Variants in SPATA16 observed in about 807,000 individuals in gnomAD.
The protein encoded by SPATA16 is spermatogenesis-associated protein 16.
In SPATA16, 36 loss-of-function variants were observed where a neutral mutation model predicts 63.3. The ratio of observed to expected loss-of-function variants is 0.57; its 90% CI spans 0.44 to 0.75. SPATA16 has a LOEUF of 0.75. SPATA16 is among the 30% of genes least tolerant of loss of function. SPATA16 has a pLI of 0.00. For missense variants in SPATA16, 646 were observed against 679.3 expected, an observed-to-expected ratio of 0.95 and a Z score of 0.54; for synonymous variants, 203 against 216.7, an observed-to-expected ratio of 0.94 and a Z score of 0.56.
At chr3:172,955,667 A>G (rs1733576224) in intron 6 of SPATA16, among the ~76,000 whole-genome samples, 2 of 152,128 alleles carry the variant, frequency 1.3e-5, no homozygotes, top group South Asian at 4.1e-4. Context: ...GAAAAGTACG[A>G]AATCCATAGG....
At chr3:173,066,685 C>T (rs531683796) in intron 2 of SPATA16, among the ~76,000 whole-genome samples, 2 of 152,246 alleles carry the variant, frequency 1.3e-5, no homozygotes, top group South Asian at 2.1e-4. Flanking sequence ...AAAAAACCCT[C>T]TCAAGAAGGA....
At chr3:173,092,073 A>T (rs759948140) in intron 2 of SPATA16, among the ~76,000 whole-genome samples, 4 of 152,148 alleles carry the variant, frequency 2.6e-5, no homozygotes, top group Non-Finnish European at 4.4e-5. Flanking sequence ...GCAACCATTC[A>T]TCAAGACCCA....
At chr3:173,079,580 C>A (rs1736880838) in intron 2 of SPATA16, among the ~76,000 whole-genome samples, 1 of 152,050 alleles carries the variant, frequency 6.6e-6, no homozygotes, top group African/African-American at 2.4e-5. Context: ...ACTTTGGCAA[C>A]TTTATTTTTT....
At chr3:173,084,905 G>C (rs1324903411) in intron 2 of SPATA16, among the ~76,000 whole-genome samples, 2 of 152,146 alleles carry the variant, frequency 1.3e-5, no homozygotes, top group Non-Finnish European at 2.9e-5. Flanking sequence ...GTACCATGCT[G>C]TTTTGGTTAC....
intron 1 of SPATA16, among the ~76,000 whole-genome samples, chr3:173,123,850 C>T (rs1428785734): frequency 1.3e-5 from 2 of 151,908 alleles, no homozygotes; most frequent in African/African-American, 2.4e-5. Flanking sequence ...GTGATCCACC[C>T]GCCTCAGCCT....
chr3:172,937,311 T>A (rs1330720268), intron 6 of SPATA16, among the ~76,000 whole-genome samples: 1 of 152,206 alleles, frequency 6.6e-6, no homozygotes, highest in African/African-American at 2.4e-5. Flanking sequence ...GAGCAGCAGC[T>A]GTGCTTCAGT....
intron 2 of SPATA16, among the ~76,000 whole-genome samples, chr3:173,074,651 T>A (rs1465658028): frequency 6.6e-6 from 1 of 152,060 alleles, no homozygotes; most frequent in African/African-American, 2.4e-5. Context: ...CTCGGGTATA[T>A]CTTTATCAGA....
intron 3 of SPATA16, among the ~76,000 whole-genome samples, chr3:173,026,020 T>C (rs1050117082): frequency 2.0e-5 from 3 of 152,034 alleles, no homozygotes; most frequent in Non-Finnish European, 2.9e-5. Context: ...GCAGTTGTAC[T>C]ATCCTGCATT....
chr3:173,075,981 T>C (rs1736792103), intron 2 of SPATA16, among the ~76,000 whole-genome samples: 1 of 152,162 alleles, frequency 6.6e-6, no homozygotes, highest in Non-Finnish European at 1.5e-5. Context: ...ACCCCTATGA[T>C]TTGATCATTA....
intron 10 of SPATA16, among the ~76,000 whole-genome samples, chr3:172,899,774 T>C (rs1732086155): frequency 6.6e-6 from 1 of 152,116 alleles, no homozygotes; most frequent in Non-Finnish European, 1.5e-5. Context: ...ATATATCTTT[T>C]TGTATGGCTT....
chr3:172,895,257 A>G (rs1731982962), intron 10 of SPATA16, among the ~76,000 whole-genome samples: 1 of 152,212 alleles, frequency 6.6e-6, no homozygotes, highest in African/African-American at 2.4e-5. Context: ...TTACCTTTTT[A>G]TAACCATCTG....
At chr3:173,123,601 A>ATTTTT (rs541550629) in intron 1 of SPATA16, among the ~76,000 whole-genome samples, 1 of 136,540 alleles carries the variant, frequency 7.3e-6, no homozygotes. Flanking sequence ...AAGGTATTAG[A>ATTTTT]TTTTTTTTTT....
chr3:173,117,068 T>G, intron 2 of SPATA16, 52 bp downstream of exon 2: 1 of 1,574,116 alleles, frequency 6.4e-7, no homozygotes, highest in African/African-American at 1.3e-5. Flanking sequence ...TAATTGCAAC[T>G]TTCCATTTCA....
chr3:172,974,992 A>G (rs1461564519), intron 5 of SPATA16, among the ~76,000 whole-genome samples: 1 of 152,162 alleles, frequency 6.6e-6, no homozygotes, highest in African/African-American at 2.4e-5. Context: ...TCTTTTATTA[A>G]TGCATAATAG....
chr3:173,078,876 T>G (rs1736863575), intron 2 of SPATA16, among the ~76,000 whole-genome samples: 1 of 152,194 alleles, frequency 6.6e-6, no homozygotes, highest in South Asian at 2.1e-4. Context: ...TATGACTGCT[T>G]TCTGTATTAG....
At chr3:172,914,681 T>C (rs528356494) in intron 9 of SPATA16, among the ~76,000 whole-genome samples, 1 of 152,262 alleles carries the variant, frequency 6.6e-6, no homozygotes, top group East Asian at 1.9e-4. Flanking sequence ...TTATAAGATA[T>C]ATAATGTTTA....
intron 3 of SPATA16, among the ~76,000 whole-genome samples, chr3:173,037,553 A>C (rs1009904498): frequency 3.9e-5 from 6 of 152,092 alleles, no homozygotes; most frequent in African/African-American, 1.4e-4. Context: ...TAATAACATA[A>C]GAACATTTCT....
At position 172,961,012 on chromosome 3, in the gene SPATA16, T is replaced by TTTTC. The variant is rs1733753228; in HGVS notation, c.934-4189_934-4188insGAAA. Among the ~76,000 whole-genome samples, 2 of 142,324 alleles carry TTTTC rather than the reference T, an allele frequency of 1.4e-5. 1 individual carries two copies. Among genetic ancestry groups the TTTTC allele is most frequent in the African/African-American group, 5.2e-5 (2 of 38,470 alleles). The allele number at this position is 142,324 out of a possible 152,430, so 93.4% of individuals were successfully genotyped here. On this transcript the variant is annotated intron_variant, in intron 5 of 10. Transcript: ENST00000351008. Reference sequence around the variant, plus strand: ...TTCTTTTTTCTTTCTCTTTCTTTCTTTCTTTTTCTCTCTTTCTCTCTTTCT... The same window carrying TTTTC: ...TTCTTTTTTCTTTCTCTTTCTTTCTTTTTCTCTTTTTCTCTCTTTCTCTCTTTCT...
intron 4 of SPATA16, among the ~76,000 whole-genome samples, chr3:172,986,675 G>A (rs562912074): frequency 7.9e-5 from 12 of 152,106 alleles, no homozygotes; most frequent in Non-Finnish European, 1.6e-4. Context: ...TTTTGAGCAG[G>A]GGGGGGAATG....
Sources: allele counts gnomAD v4.1 joint callset (sites outside exome capture counted in the v4.1 genomes callset), GRCh38; gene constraint gnomAD v4.1.1; transcripts MANE v1.5; gene names NCBI Gene and HGNC (gene_info 2026-07-23, HGNC 2026-07-21).